DYNC1I1: variants seen among roughly 807,000 people sequenced by gnomAD.
DYNC1I1 encodes dynein cytoplasmic 1 intermediate chain 1.
DYNC1I1 carries 43 observed loss-of-function variants against 86.6 expected under a neutral mutation model. The ratio of observed to expected loss-of-function variants is 0.50; its 90% CI spans 0.39 to 0.64. The LOEUF (loss-of-function observed/expected upper bound fraction) is 0.64. Ranked by LOEUF, DYNC1I1 falls within the 30% of genes least tolerant of loss-of-function variation. DYNC1I1 has a pLI of 0.00. For missense variants in DYNC1I1, 604 were observed against 788.8 expected (o/e 0.77, Z 2.81); for synonymous variants, 262 against 283.7 (o/e 0.92, Z 0.77).
At chr7:96,002,799 A>AT (rs375524642) in intron 10 of DYNC1I1, among the ~76,000 whole-genome samples, 122 of 144,462 alleles carry the variant, frequency 8.4e-4, no homozygotes, top group East Asian at 2.8e-3. Flanking sequence ...TAAGCTCAGC[A>AT]TTTTTTTTTT....
intron 7 of DYNC1I1, 21 bp downstream of exon 7, chr7:95,977,622 T>C (rs913062404): frequency 6.2e-7 from 1 of 1,600,902 alleles, no homozygotes; most frequent in African/African-American, 1.3e-5. Context: ...GAAAATAAAC[T>C]GAGTAATCAT....
At chr7:95,969,423 A>G (rs934946720) in intron 6 of DYNC1I1, among the ~76,000 whole-genome samples, 4 of 152,170 alleles carry the variant, frequency 2.6e-5, no homozygotes, top group Non-Finnish European at 5.9e-5. Flanking sequence ...ATAGGGAGCC[A>G]TTAAAGGTTT....
intron 13 of DYNC1I1, among the ~76,000 whole-genome samples, chr7:96,037,918 G>A (rs1788910426): frequency 6.6e-6 from 1 of 152,104 alleles, no homozygotes; most frequent in Admixed American, 6.6e-5. Flanking sequence ...GGAGAAGCAG[G>A]GGATTGCTAT....
At chr7:96,043,093 AG>A (rs1274796839) in intron 14 of DYNC1I1, among the ~76,000 whole-genome samples, 1 of 151,178 alleles carries the variant, frequency 6.6e-6, no homozygotes, top group Non-Finnish European at 1.5e-5. Context: ...CACTTGAACC[AG>A]GGATTCAGAG....
intron 14 of DYNC1I1, among the ~76,000 whole-genome samples, chr7:96,044,862 G>T (rs1358832543): frequency 2.0e-5 from 3 of 152,180 alleles, no homozygotes; most frequent in African/African-American, 7.2e-5. Context: ...ATGGACTGTG[G>T]TCAGTGTGGT....
rs117256016 is a variant in DYNC1I1 at position 95,865,733 on chromosome 7, G to A, written c.375-4150G>A. On this transcript the variant is annotated intron_variant, in intron 5 of 16. Coordinates refer to ENST00000447467, the MANE Select transcript of DYNC1I1 (RefSeq NM_001135556.2). The stretch of plus-strand genomic sequence containing the variant: ...TACAACTGCCTACGGTATTTAGTAC[G>A]GTAATATGCTGTACAGGGTTGTAGC... Among the ~76,000 whole-genome samples, 166 of 152,238 alleles carry A rather than the reference G, an allele frequency of 1.1e-3. 1 individual carries two copies. The East Asian group carries it at 0.027, about 25-fold the overall frequency.
intron 6 of DYNC1I1, among the ~76,000 whole-genome samples, chr7:95,908,636 G>A (rs576724337): frequency 1.8e-3 from 272 of 152,242 alleles, no homozygotes; most frequent in African/African-American, 6.1e-3. Context: ...GGCGAGGGGT[G>A]GGGGTTCATC....
At chr7:95,821,326 T>C (rs67527663) in intron 4 of DYNC1I1, among the ~76,000 whole-genome samples, 24,131 of 152,136 alleles carry the variant, frequency 0.16, 2,064 homozygotes, top group East Asian at 0.34. Flanking sequence ...CAAATATGCA[T>C]ACTCAGAGAA....
chr7:95,913,119 C>T (rs951047049), intron 6 of DYNC1I1, among the ~76,000 whole-genome samples: 1 of 152,156 alleles, frequency 6.6e-6, no homozygotes, highest in African/African-American at 2.4e-5. Flanking sequence ...TCTTTCATTA[C>T]TTGCACCTCT....
chr7:95,837,830 C>T (rs1292188113), intron 5 of DYNC1I1, among the ~76,000 whole-genome samples: 5 of 152,274 alleles, frequency 3.3e-5, no homozygotes, highest in East Asian at 1.9e-4. Context: ...CTTCGGCTCG[C>T]GCATGGTGCG....
chr7:95,994,845 G>A (rs896630594), intron 9 of DYNC1I1, among the ~76,000 whole-genome samples: 1 of 152,150 alleles, frequency 6.6e-6, no homozygotes, highest in East Asian at 1.9e-4. Flanking sequence ...ATCCAGATAA[G>A]AAATTAATTT....
At chr7:96,108,547 A>G (rs1012836442) in intron 16 of DYNC1I1, among the ~76,000 whole-genome samples, 3 of 152,032 alleles carry the variant, frequency 2.0e-5, no homozygotes, top group African/African-American at 7.3e-5. Context: ...ATCAATAGTG[A>G]AGTCACCTAG....
chr7:95,895,295 T>C (rs1449156974), intron 6 of DYNC1I1, among the ~76,000 whole-genome samples: 2 of 152,222 alleles, frequency 1.3e-5, no homozygotes, highest in African/African-American at 4.8e-5. Context: ...AAAATGGTGA[T>C]ATTTTCAATT....
intron 6 of DYNC1I1, among the ~76,000 whole-genome samples, chr7:95,918,113 G>C (rs908380424): frequency 3.9e-5 from 6 of 152,296 alleles, no homozygotes; most frequent in Middle Eastern, 3.4e-3. Context: ...GCCTTCAGGA[G>C]GTCAGCTGAC....
intron 6 of DYNC1I1, among the ~76,000 whole-genome samples, chr7:95,942,039 A>G (rs113470796): frequency 1.3e-5 from 2 of 152,202 alleles, no homozygotes; most frequent in Non-Finnish European, 2.9e-5. Context: ...AACTGAAGGA[A>G]ATAGAGACAC....
chr7:95,880,611 TG>T (rs139918807), intron 6 of DYNC1I1, among the ~76,000 whole-genome samples: 1,596 of 151,550 alleles, frequency 0.011, 24 homozygotes, highest in African/African-American at 0.037. Flanking sequence ...TAGATCCATT[TG>T]GCTTTCTTCA....
At chr7:95,940,537 T>C (rs548643125) in intron 6 of DYNC1I1, among the ~76,000 whole-genome samples, 32 of 152,306 alleles carry the variant, frequency 2.1e-4, no homozygotes, top group Non-Finnish European at 4.4e-4. Flanking sequence ...TCTCGCTTCA[T>C]TTCATTCATT....
chr7:96,019,295 A>G (rs892245838), intron 10 of DYNC1I1, among the ~76,000 whole-genome samples: 1 of 151,784 alleles, frequency 6.6e-6, no homozygotes, highest in Admixed American at 6.6e-5. Flanking sequence ...CTGAAATTTT[A>G]TATCCTTTGA....
chr7:96,051,562 A>G (rs1294191693), intron 14 of DYNC1I1, among the ~76,000 whole-genome samples: 2 of 152,216 alleles, frequency 1.3e-5, no homozygotes, highest in African/African-American at 2.4e-5. Flanking sequence ...ACATTGTACA[A>G]TCTTTCCTAG....
Sources: gnomAD v4.1 joint callset for allele counts (sites outside exome capture counted in the v4.1 genomes callset) on GRCh38, gnomAD v4.1.1 for gene constraint, MANE v1.5 for transcripts, NCBI Gene and HGNC (gene_info 2026-07-23, HGNC 2026-07-21) for gene names.